The following NAV1 variants were observed in gnomAD, a reference collection of about 807,000 sequenced individuals.
The protein encoded by NAV1 is neuron navigator 1.
A neutral mutation model predicts 175.2 loss-of-function variants in NAV1; 18 were observed. The ratio of observed to expected loss-of-function variants is 0.10; its 90% CI spans 0.07 to 0.15. The LOEUF is 0.15. Among genes scored for constraint, NAV1 ranks in the 10% least tolerant of loss-of-function variants. The probability of loss-of-function intolerance (pLI) is 1.00; values close to 1 mark genes in which losing one functional copy is unlikely to be tolerated. For missense variants in NAV1, 1,731 were observed against 2,436.6 expected, an observed-to-expected ratio of 0.71 and a Z score of 6.10; for synonymous variants, 897 against 978.7, an observed-to-expected ratio of 0.92 and a Z score of 1.56.
rs889613762 is a variant in NAV1, at chr1:201,683,846, G to A, written c.758-28971G>A. Among the ~76,000 whole-genome samples, 4 of 146,554 alleles carry A rather than the reference G, an allele frequency of 2.7e-5. No homozygotes were observed. In the Admixed American group the frequency reaches 2.7e-4, roughly 10 times the overall value. ...CTTCAGAAGGAAGTCACTGTGTGCA[G>A]CCACGTTCAAGGAGGGCTTCACCTC... On this transcript the variant is annotated intron_variant, in intron 1 of 29. Transcript: ENST00000367296.
chr1:201,772,894 G>A (rs1427780847), intron 3 of NAV1, among the ~76,000 whole-genome samples: 2 of 152,138 alleles, frequency 1.3e-5, no homozygotes, highest in African/African-American at 2.4e-5. Context: ...TTGGCCGGGC[G>A]TGGTGGCGGG....
At position 201,548,296 on chromosome 1, in the gene NAV1, T is replaced by C. The variant is rs111807523; in HGVS notation, c.-144+8954T>C. Reference sequence around the variant, plus strand: ...AAATAGCTATCAATAAAGGTGTAACTGCCAAGGCAGGAGGATTTCTTGAAG... The same window carrying C: ...AAATAGCTATCAATAAAGGTGTAACCGCCAAGGCAGGAGGATTTCTTGAAG... On this transcript the variant is annotated intron_variant, in intron 1 of 33. Coordinates refer to the NAV1 transcript ENST00000685211. Among the ~76,000 whole-genome samples, 670 of 152,328 alleles carry C rather than the reference T, an allele frequency of 4.4e-3. 7 individuals carry two copies. Among genetic ancestry groups the C allele is most frequent in the African/African-American group, 0.016 (651 of 41,574 alleles).
intron 1 of NAV1, among the ~76,000 whole-genome samples, chr1:201,676,661 A>G (rs1670265004): frequency 1.3e-5 from 2 of 152,196 alleles, no homozygotes; most frequent in Admixed American, 1.3e-4. Context: ...TTAAAAGGTG[A>G]ACACAATCTT....
chr1:201,604,171 C>T (rs530274672), intron 2 of NAV1, among the ~76,000 whole-genome samples: 1 of 152,324 alleles, frequency 6.6e-6, no homozygotes, highest in South Asian at 2.1e-4. Context: ...CCTCTCACCT[C>T]AGCCTCCCGA....
intron 1 of NAV1, among the ~76,000 whole-genome samples, chr1:201,557,760 A>C (rs1047165970): frequency 6.6e-6 from 1 of 152,318 alleles, no homozygotes; most frequent in East Asian, 1.9e-4. Flanking sequence ...GAGAAATGTC[A>C]AACGTGGTTT....
At position 201,667,799 on chromosome 1, in the gene NAV1, C is replaced by T. The variant is rs190161925; in HGVS notation, c.757+18374C>T. 2.0e-5 allele frequency among the ~76,000 whole-genome samples: 3 copies of T among 152,354 alleles called. No individual in the cohort carries two copies. In the East Asian group the frequency reaches 5.8e-4, roughly 29 times the overall value. On this transcript the variant is annotated intron_variant, in intron 1 of 29. Coordinates refer to ENST00000367296, the Ensembl canonical transcript of NAV1. ...TCCCACATACAGAGACTCACATCAT[C>T]GCTCAGTGAAACCTGAGGGGTGGTC...
At chr1:201,716,054 A>C (rs4146694) in intron 2 of NAV1, among the ~76,000 whole-genome samples, 68,535 of 151,970 alleles carry the variant, frequency 0.45, 15,717 homozygotes, top group African/African-American at 0.51. Context: ...GGAAGAGGCA[A>C]TTTTAGTACA....
At chr1:201,545,513 G>A (rs1418267874) in intron 1 of NAV1, among the ~76,000 whole-genome samples, 8 of 152,098 alleles carry the variant, frequency 5.3e-5, no homozygotes, top group African/African-American at 1.9e-4. Context: ...TGATCTGCCT[G>A]CCTCTGCCTC....
rs564897360 is a variant in NAV1 at position 201,702,553 on chromosome 1, A to G, written c.758-10264A>G. ...GCCAAGCTCATTTTGTATTTTTAGTAGAGATGGGGTTTCATCATGTTGGTC... is the reference window on the plus strand; with the variant it reads ...GCCAAGCTCATTTTGTATTTTTAGTGGAGATGGGGTTTCATCATGTTGGTC... On this transcript the variant is annotated intron_variant, in intron 1 of 29. Transcript: ENST00000367296. 2.2e-4 allele frequency among the ~76,000 whole-genome samples: 33 copies of G among 152,230 alleles called. 1 individual carries two copies. In the South Asian group the frequency reaches 3.3e-3, roughly 15 times the overall value.
chr1:201,700,275 G>A (rs1671358398), intron 1 of NAV1, among the ~76,000 whole-genome samples: 1 of 152,160 alleles, frequency 6.6e-6, no homozygotes, highest in Non-Finnish European at 1.5e-5. Flanking sequence ...AGTGGGCAAA[G>A]GATATGAACA....
exon 2 of NAV1, chr1:201,712,839 G>C (rs775342285): frequency 1.1e-5 from 18 of 1,613,852 alleles, no homozygotes; most frequent in Non-Finnish European, 1.4e-5. Context: ...AGAGAAAGAG[G>C]ACAGTGCAGA....
chr1:201,572,516 G>A (rs956922807), intron 1 of NAV1, among the ~76,000 whole-genome samples: 3 of 151,530 alleles, frequency 2.0e-5, no homozygotes, highest in African/African-American at 4.9e-5. Flanking sequence ...CTACAGGCAC[G>A]CACCACCATG....
At chr1:201,602,403 G>A (rs1194508790) in intron 2 of NAV1, among the ~76,000 whole-genome samples, 4 of 152,042 alleles carry the variant, frequency 2.6e-5, no homozygotes, top group Non-Finnish European at 5.9e-5. Context: ...GTACAGTGGC[G>A]CGGTCTCGGC....
chr1:201,637,013 A>G (rs1217792898), intron 2 of NAV1, among the ~76,000 whole-genome samples: 1 of 152,246 alleles, frequency 6.6e-6, no homozygotes, highest in Non-Finnish European at 1.5e-5. Flanking sequence ...TAACATTTGC[A>G]GAGCAATTTT....
At chr1:201,607,870 T>TTG (rs57110688) in intron 2 of NAV1, among the ~76,000 whole-genome samples, 49,486 of 137,856 alleles carry the variant, frequency 0.36, 8,870 homozygotes, top group Middle Eastern at 0.48. Context: ...GATAACTTTA[T>TTG]TGTGTGTGTG....
exon 1 of NAV1, chr1:201,648,905 G>A (rs1394756039): frequency 1.2e-6 from 2 of 1,612,628 alleles, no homozygotes; most frequent in Non-Finnish European, 1.7e-6. Context: ...TCCCCGGCGG[G>A]CCGCCCGCCT....
intron 3 of NAV1, among the ~76,000 whole-genome samples, chr1:201,729,939 A>G (rs1672779293): frequency 6.6e-6 from 1 of 152,170 alleles, no homozygotes; most frequent in Non-Finnish European, 1.5e-5. Flanking sequence ...AACACTTGGC[A>G]TGCAGCAGGT....
Position 201,807,927 on chromosome 1 carries a change from C to T in NAV1, c.3649-26C>T, listed in dbSNP as rs1571513286. The stretch of plus-strand genomic sequence containing the variant: ...TCCCAGTAGTGGAGTCCTAATGTCC[C>T]TCTACCTGGATCTGCTTTTTTCTAG... On this transcript the variant is annotated intron_variant, in intron 17 of 29. Coordinates refer to ENST00000367296, the Ensembl canonical transcript of NAV1. This position sits in a 1 kb window ranked among gnomAD's most constrained non-coding sequence, Gnocchi z 5.4. 2 of 1,613,196 alleles carry T rather than the reference C, an allele frequency of 1.2e-6. No homozygotes were observed. Among genetic ancestry groups the T allele is most frequent in the Middle Eastern group, 1.6e-4 (1 of 6,064 alleles).
At chr1:201,744,316 G>GTATGTATT (rs1261745025) in intron 3 of NAV1, among the ~76,000 whole-genome samples, 4 of 140,958 alleles carry the variant, frequency 2.8e-5, no homozygotes, top group African/African-American at 8.2e-5. Flanking sequence ...ATGTATGTAT[G>GTATGTATT]TATTTATTTA....
Sources: gnomAD v4.1 joint callset for allele counts (sites outside exome capture counted in the v4.1 genomes callset) on GRCh38, gnomAD v4.1.1 for gene constraint, Gnocchi (gnomAD v3.1) non-coding constraint, MANE v1.5 for transcripts, NCBI Gene and HGNC (gene_info 2026-07-23, HGNC 2026-07-21) for gene names.